Variants in PLAG1 observed in about 807,000 individuals in gnomAD.
PLAG1 encodes PLAG1 zinc finger.
PLAG1 carries 7 observed loss-of-function variants against 35.5 expected under a neutral mutation model. That is an observed-to-expected ratio of 0.20 (90% CI 0.11 to 0.37). The LOEUF is 0.37. Among genes scored for constraint, PLAG1 ranks in the 10% least tolerant of loss-of-function variants. The pLI is 1.00. For missense variants in PLAG1, 454 were observed against 602.8 expected (o/e 0.75, Z 2.58); for synonymous variants, 229 against 225.4 (o/e 1.02, Z -0.14).
chr8:56,197,869 T>C (rs1242046720), intron 1 of PLAG1, among the ~76,000 whole-genome samples: 3 of 152,130 alleles, frequency 2.0e-5, no homozygotes, highest in Admixed American at 2.0e-4. Context: ...GGCTTAGCTA[T>C]GGAGGGAGCA....
intron 1 of PLAG1, among the ~76,000 whole-genome samples, chr8:56,188,757 A>G (rs1404957890): frequency 1.3e-5 from 2 of 152,218 alleles, no homozygotes; most frequent in Non-Finnish European, 2.9e-5. Flanking sequence ...AACACAGTCG[A>G]TTCTTGATTA....
intron 1 of PLAG1, among the ~76,000 whole-genome samples, chr8:56,183,063 T>C (rs868557049): frequency 6.6e-6 from 1 of 152,054 alleles, no homozygotes; most frequent in Non-Finnish European, 1.5e-5. Context: ...AGGGGAAAAA[T>C]ATTTGCCTTT....
chr8:56,195,666 G>A (rs1320940242), intron 1 of PLAG1, among the ~76,000 whole-genome samples: 1 of 152,170 alleles, frequency 6.6e-6, no homozygotes, highest in Non-Finnish European at 1.5e-5. Context: ...GCCAGCAGCT[G>A]GAGAGATCAC....
At chr8:56,196,953 T>TGTGC (rs1165186310) in intron 1 of PLAG1, among the ~76,000 whole-genome samples, 1 of 103,516 alleles carries the variant, frequency 9.7e-6, no homozygotes, top group Admixed American at 1.2e-4. Context: ...CTAGTGTGCG[T>TGTGC]GTGTGTGTGT....
intron 2 of PLAG1, among the ~76,000 whole-genome samples, chr8:56,178,288 G>T (rs1356440903): frequency 1.3e-5 from 2 of 151,908 alleles, no homozygotes; most frequent in Non-Finnish European, 2.9e-5. Context: ...AATTTAGTTT[G>T]GCTAAGTAAA....
chr8:56,175,108 A>AT (rs1303602472), intron 2 of PLAG1, among the ~76,000 whole-genome samples: 8 of 152,028 alleles, frequency 5.3e-5, no homozygotes, highest in East Asian at 1.9e-4. Context: ...ATAGAACAGT[A>AT]TTTTTTTTGA....
chr8:56,168,055 G>C lies in PLAG1; in HGVS notation c.215C>G (p.Ala72Gly). Residue 72 changes from alanine (A) to glycine (G), a missense_variant, in exon 4 of 5, where the codon GCC becomes GGC. Coordinates refer to ENST00000316981, the MANE Select transcript of PLAG1 (RefSeq NM_002655.3). ...YKCIQQDCTK[A>G]FVSKYKLQRH... Reference sequence around the variant, plus strand: ...TTGTAATTTGTACTTAGAAACAAAGGCCTTGGTGCAGTCTTGTTGTATGCA... The same window carrying C: ...TTGTAATTTGTACTTAGAAACAAAGCCCTTGGTGCAGTCTTGTTGTATGCA... 3.8e-6 allele frequency: 6 copies of C among 1,592,132 alleles called. No homozygotes were observed. The highest frequency in any genetic ancestry group is 5.2e-6 in the Non-Finnish European group (6 of 1,163,582).
intron 1 of PLAG1, among the ~76,000 whole-genome samples, chr8:56,186,933 C>G (rs1812036717): frequency 6.6e-6 from 1 of 152,172 alleles, no homozygotes; most frequent in Admixed American, 6.5e-5. Context: ...TCAGGCTGGT[C>G]TCGAACTCCT....
chr8:56,161,434 T>G lies in PLAG1; in HGVS notation c.*4809A>C, dbSNP rs948185578. On this transcript the variant is annotated 3_prime_UTR_variant, in exon 5 of 5. Transcript: ENST00000316981. The stretch of plus-strand genomic sequence containing the variant: ...CAGTCCAGCTTATGTTCAGGTATGA[T>G]GCAATCCGTTTCCTAATGGATTCCC... 1 of 221,688 alleles carries G rather than the reference T, an allele frequency of 4.5e-6. No homozygotes were observed. Among genetic ancestry groups the G allele is most frequent in the African/African-American group, 2.2e-5 (1 of 44,700 alleles). 13.7% of individuals were successfully genotyped at this position (221,688 alleles called of 1,614,324 possible).
At chr8:56,193,151 G>T (rs1259483867) in intron 1 of PLAG1, among the ~76,000 whole-genome samples, 1 of 152,148 alleles carries the variant, frequency 6.6e-6, no homozygotes, top group African/African-American at 2.4e-5. Context: ...TTTAAAAAGA[G>T]TCTGTACTTT....
intron 1 of PLAG1, among the ~76,000 whole-genome samples, chr8:56,201,685 G>A (rs944761084): frequency 6.6e-6 from 1 of 152,236 alleles, no homozygotes; most frequent in East Asian, 1.9e-4. Flanking sequence ...CTTACAAAAA[G>A]TAACAGAATT....
chr8:56,210,065 C>T (rs945623134), intron 1 of PLAG1, among the ~76,000 whole-genome samples: 2 of 152,178 alleles, frequency 1.3e-5, no homozygotes, highest in Non-Finnish European at 2.9e-5. Context: ...CCTCCCCCCT[C>T]GCTCCCCCTG....
intron 1 of PLAG1, among the ~76,000 whole-genome samples, chr8:56,194,155 A>C (rs2129231973): frequency 6.6e-6 from 1 of 152,160 alleles, no homozygotes; most frequent in South Asian, 2.1e-4. Flanking sequence ...CTCTACTAAA[A>C]AAATACAAAA....
At chr8:56,193,036 T>C (rs1168712518) in intron 1 of PLAG1, among the ~76,000 whole-genome samples, 1 of 152,218 alleles carries the variant, frequency 6.6e-6, no homozygotes, top group East Asian at 1.9e-4. Context: ...ATTTGGATCA[T>C]GGAAATCTTT....
chr8:56,173,873 C>G (rs1423809256), intron 2 of PLAG1, among the ~76,000 whole-genome samples: 1 of 152,128 alleles, frequency 6.6e-6, no homozygotes, highest in Non-Finnish European at 1.5e-5. Context: ...TATTCTAAAA[C>G]AGTGACTCAT....
chr8:56,168,258 G>T lies in PLAG1; in HGVS notation c.12C>A (p.Val4=). Residue 4 remains valine (V), a synonymous_variant, in exon 4 of 5, where the codon GTC becomes GTA. Transcript: ENST00000316981. MAT[V]IPGDLSEVRD... ...TTACTTCTGACAAATCACCAGGAATGACAGTGGCCATCGCAGCCTAAACCA... is the reference window on the plus strand; with the variant it reads ...TTACTTCTGACAAATCACCAGGAATTACAGTGGCCATCGCAGCCTAAACCA... 2 of 1,611,888 alleles carry T rather than the reference G, an allele frequency of 1.2e-6. No homozygotes were observed. Among genetic ancestry groups the T allele is most frequent in the South Asian group, 2.2e-5 (2 of 90,782 alleles).
intron 1 of PLAG1, among the ~76,000 whole-genome samples, chr8:56,188,729 A>G (rs1031667292): frequency 2.6e-5 from 4 of 152,202 alleles, no homozygotes; most frequent in Admixed American, 2.0e-4. Flanking sequence ...TAACTTCCAT[A>G]TCTTCAACTG....
Position 56,200,106 on chromosome 8 carries a change from G to A in PLAG1, c.-322+11015C>T, listed in dbSNP as rs368650254. ...CCCTGACACTCAACTGCAGAAGAAT[G>A]GGGCACGTGCTGCATATGCGGGCCC... On this transcript the variant is annotated intron_variant, in intron 1 of 4. Coordinates refer to ENST00000316981, the MANE Select transcript of PLAG1 (RefSeq NM_002655.3). 7.9e-5 allele frequency among the ~76,000 whole-genome samples: 12 copies of A among 152,234 alleles called. No individual in the cohort carries two copies. In the East Asian group the frequency reaches 1.4e-3, roughly 17 times the overall value.
At chr8:56,172,159 C>G (rs1487493873) in intron 2 of PLAG1, among the ~76,000 whole-genome samples, 1 of 152,096 alleles carries the variant, frequency 6.6e-6, no homozygotes, top group Non-Finnish European at 1.5e-5. Flanking sequence ...CTTTCAGATT[C>G]TTAACACAAA....
Sources: allele counts gnomAD v4.1 joint callset (sites outside exome capture counted in the v4.1 genomes callset), GRCh38; gene constraint gnomAD v4.1.1; transcripts MANE v1.5; gene names NCBI Gene and HGNC (gene_info 2026-07-23, HGNC 2026-07-21).